RAB3C: variants seen among roughly 807,000 people sequenced by gnomAD.
RAB3C encodes RAB3C, member RAS oncogene family, also known as ras-related protein Rab-3C.
In RAB3C, 17 loss-of-function variants were observed where a neutral mutation model predicts 26.4. That is an observed-to-expected ratio of 0.64 (90% CI 0.44 to 0.97). RAB3C has a LOEUF of 0.97. Ranked by LOEUF, RAB3C falls within the 50% of genes least tolerant of loss-of-function variation. The pLI, the probability that RAB3C is intolerant of heterozygous loss-of-function variation, is 0.00. For synonymous variants in RAB3C, 91 were observed against 95.9 expected, an observed-to-expected ratio of 0.95 and a Z score of 0.30; for missense variants, 242 against 281.9, an observed-to-expected ratio of 0.86 and a Z score of 1.01.
intron 3 of RAB3C, among the ~76,000 whole-genome samples, chr5:58,758,740 C>T (rs905167643): frequency 3.9e-5 from 6 of 152,090 alleles, no homozygotes; most frequent in Non-Finnish European, 5.9e-5. Flanking sequence ...AGGATGACGA[C>T]CAAAGTAACA....
At chr5:58,699,837 G>T (rs1274722821) in intron 2 of RAB3C, among the ~76,000 whole-genome samples, 1 of 152,202 alleles carries the variant, frequency 6.6e-6, no homozygotes, top group African/African-American at 2.4e-5. Flanking sequence ...CAGTATTTAG[G>T]CAGGAGTGTC....
intron 2 of RAB3C, among the ~76,000 whole-genome samples, chr5:58,660,310 A>G (rs1747874610): frequency 6.7e-6 from 1 of 150,098 alleles, no homozygotes; most frequent in Non-Finnish European, 1.5e-5. Context: ...TTTGAAAAGT[A>G]AAAGATGAAA....
intron 4 of RAB3C, among the ~76,000 whole-genome samples, chr5:58,839,348 A>ATTTT (rs1561148282): frequency 2.2e-5 from 1 of 45,400 alleles, no homozygotes; most frequent in Non-Finnish European, 8.1e-5. Flanking sequence ...ATAAGTTTTT[A>ATTTT]TTTTATTTAT....
intron 1 of RAB3C, among the ~76,000 whole-genome samples, chr5:58,611,995 C>A (rs1020085438): frequency 6.6e-6 from 1 of 152,114 alleles, no homozygotes; most frequent in African/African-American, 2.4e-5. Flanking sequence ...GGAGTCCTTT[C>A]CCCATTGCTT....
At position 58,851,439 on chromosome 5, in the gene RAB3C, C is replaced by T. The variant is rs939528718; in HGVS notation, c.*88C>T. The stretch of plus-strand genomic sequence containing the variant: ...GGTCTATTAGCCTTCATTTATACTG[C>T]CTAACAATTATTTGAAGGAATAAAT... On this transcript the variant is annotated 3_prime_UTR_variant, in exon 5 of 5. Coordinates refer to ENST00000282878, the MANE Select transcript of RAB3C (RefSeq NM_138453.4). 1.9e-6 allele frequency: 2 copies of T among 1,039,584 alleles called. No individual in the cohort carries two copies. Among genetic ancestry groups the T allele is most frequent in the Non-Finnish European group, 1.4e-6 (1 of 726,968 alleles). 64.4% of individuals were successfully genotyped at this position (1,039,584 alleles called of 1,614,324 possible). A position where few individuals can be genotyped will look rare whatever the true frequency, so the allele number is the denominator to read the frequency against.
intron 4 of RAB3C, among the ~76,000 whole-genome samples, chr5:58,841,788 G>A (rs1281970814): frequency 1.3e-5 from 2 of 152,184 alleles, no homozygotes; most frequent in African/African-American, 4.8e-5. Context: ...CAAGTCTGCA[G>A]AGATTGGGTG....
intron 2 of RAB3C, among the ~76,000 whole-genome samples, chr5:58,627,714 G>A (rs1007132932): frequency 6.6e-6 from 1 of 152,144 alleles, no homozygotes; most frequent in East Asian, 1.9e-4. Context: ...CACTGTGGCA[G>A]CTAAACAGCG....
intron 3 of RAB3C, among the ~76,000 whole-genome samples, chr5:58,747,766 G>T (rs1381574952): frequency 6.6e-6 from 1 of 150,896 alleles, no homozygotes; most frequent in Admixed American, 6.6e-5. Flanking sequence ...GTAATATATT[G>T]TAAATATTCA....
Position 58,617,643 on chromosome 5 carries a change from A to G in RAB3C, c.25A>G (p.Met9Val). Residue 9 changes from methionine to valine, a missense_variant and splice_region_variant, in exon 2 of 5, where the codon ATG becomes GTG. Coordinates refer to ENST00000282878, the MANE Select transcript of RAB3C (RefSeq NM_138453.4). The part of the protein sequence containing the change: MRHEAPMQ[M>V]ASAQDARYGQ... ...TTGTTTTGTTTTGTTTTTATCACAG[A>G]TGGCCTCTGCCCAAGATGCCAGGTA... 1 of 1,610,396 alleles carries G rather than the reference A, an allele frequency of 6.2e-7. No homozygotes were observed. The highest frequency in any genetic ancestry group is 8.5e-7 in the Non-Finnish European group (1 of 1,176,770).
intron 3 of RAB3C, among the ~76,000 whole-genome samples, chr5:58,787,064 A>G (rs988296931): frequency 3.9e-5 from 6 of 152,154 alleles, no homozygotes; most frequent in African/African-American, 1.4e-4. Context: ...CTTAAAGGTG[A>G]AATGAGTGGC....
chr5:58,760,363 C>A (rs576163289), intron 3 of RAB3C, among the ~76,000 whole-genome samples: 1 of 152,286 alleles, frequency 6.6e-6, no homozygotes, highest in South Asian at 2.1e-4. Context: ...TTTCCCAACA[C>A]CACTACTTAA....
chr5:58,832,626 TAGA>T (rs1420913996), intron 4 of RAB3C, among the ~76,000 whole-genome samples: 3 of 152,216 alleles, frequency 2.0e-5, no homozygotes, highest in Non-Finnish European at 2.9e-5. Flanking sequence ...GACTCAGTGC[TAGA>T]GGAGCTTAAA....
At chr5:58,665,544 G>A (rs1747984906) in intron 2 of RAB3C, among the ~76,000 whole-genome samples, 1 of 152,098 alleles carries the variant, frequency 6.6e-6, no homozygotes, top group African/African-American at 2.4e-5. Context: ...CCAAAGAAAG[G>A]TACTAATGAT....
chr5:58,733,280 T>C (rs1412533380), intron 3 of RAB3C, among the ~76,000 whole-genome samples: 1 of 152,030 alleles, frequency 6.6e-6, no homozygotes, highest in African/African-American at 2.4e-5. Flanking sequence ...GTGAGTAAAA[T>C]TACATAGAAA....
At chr5:58,806,840 T>TA (rs1742951609) in intron 3 of RAB3C, among the ~76,000 whole-genome samples, 1 of 152,158 alleles carries the variant, frequency 6.6e-6, no homozygotes, top group African/African-American at 2.4e-5. Context: ...AAATCAATAC[T>TA]GGTACCTTTA....
At chr5:58,841,136 A>T (rs1028158107) in intron 4 of RAB3C, among the ~76,000 whole-genome samples, 46 of 152,086 alleles carry the variant, frequency 3.0e-4, no homozygotes, top group African/African-American at 1.1e-3. Flanking sequence ...CTGCAGGGCT[A>T]TTTCTCAGGT....
At chr5:58,654,777 T>C (rs994083728) in intron 2 of RAB3C, among the ~76,000 whole-genome samples, 3 of 152,150 alleles carry the variant, frequency 2.0e-5, no homozygotes, top group African/African-American at 4.8e-5. Context: ...TGCTTAAACA[T>C]GTTTGATAGT....
chr5:58,765,906 G>T lies in RAB3C; in HGVS notation c.371+39786G>T, dbSNP rs189412945. Among the ~76,000 whole-genome samples the T allele has an allele frequency of 1.8e-4, 28 of 151,994 alleles. 1 individual carries two copies. Among genetic ancestry groups the T allele is most frequent in the Admixed American group, 3.9e-4 (6 of 15,236 alleles). ...TTCTCATGAGAGCGAGTGAGTTCTC[G>T]TGAGATCTGGTTGTTTAAAAGTGTG... On this transcript the variant is annotated intron_variant, in intron 3 of 4. Coordinates refer to ENST00000282878, the MANE Select transcript of RAB3C (RefSeq NM_138453.4).
chr5:58,736,181 C>T (rs1472835576), intron 3 of RAB3C, among the ~76,000 whole-genome samples: 1 of 152,208 alleles, frequency 6.6e-6, no homozygotes, highest in East Asian at 1.9e-4. Context: ...TTCCTAGCCA[C>T]AACCTTAACA....
Sources: allele counts gnomAD v4.1 joint callset (sites outside exome capture counted in the v4.1 genomes callset), GRCh38; gene constraint gnomAD v4.1.1; transcripts MANE v1.5; gene names NCBI Gene and HGNC (gene_info 2026-07-23, HGNC 2026-07-21).